ZNF174: variants seen among roughly 807,000 people sequenced by gnomAD.
ZNF174 encodes zinc finger protein 174.
Under a neutral mutation model 38.7 loss-of-function variants are expected in ZNF174, and 30 were observed. The observed-to-expected ratio is 0.78, with a 90% CI of 0.58 to 1.05. ZNF174 has a LOEUF of 1.05. ZNF174 is among the 50% of genes least tolerant of loss of function. The pLI is 0.00. For synonymous variants in ZNF174, 201 were observed against 181.7 expected, an observed-to-expected ratio of 1.11 and a Z score of -0.86; for missense variants, 499 against 495.6, an observed-to-expected ratio of 1.01 and a Z score of -0.06.
chr16:3,402,401 C>T lies in ZNF174; in HGVS notation c.397C>T (p.Gln133Ter). The T allele has an allele frequency of 6.2e-7, 1 of 1,613,112 alleles. No individual in the cohort carries two copies. Among genetic ancestry groups the T allele is most frequent in the Non-Finnish European group, 8.5e-7 (1 of 1,179,746 alleles). The stretch of plus-strand genomic sequence containing the variant: ...TCACAGAGCATCCAAGAAACCAAAG[C>T]AGTGGGTAAGGAGGGTCCTCTCCCA... The part of the protein sequence containing the change: ...DFHRASKKPK[Q>*]WVAVCMQGQK... The change falls in exon 1 of 3, where the codon CAG (glutamine) becomes TAG (stop). Residue 133 changes from glutamine (Q) to a stop codon, truncating the protein, a stop_gained. Transcript: ENST00000268655. LOFTEE classifies it high-confidence loss of function.
At chr16:3,404,155 GCCAGCAACTAC>G (rs899324371) in intron 1 of ZNF174, among the ~76,000 whole-genome samples, 9 of 152,142 alleles carry the variant, frequency 5.9e-5, no homozygotes, top group Admixed American at 2.6e-4. Flanking sequence ...TGATATTTGT[GCCAGCAACTAC>G]CCTGATGACT....
chr16:3,407,579 A>G (rs1418107118), intron 2 of ZNF174, among the ~76,000 whole-genome samples: 2 of 152,224 alleles, frequency 1.3e-5, no homozygotes, highest in African/African-American at 4.8e-5. Context: ...CCACATAGTC[A>G]CATGTGGCTA....
chr16:3,408,581 G>C lies in ZNF174; in HGVS notation c.886G>C (p.Glu296Gln), dbSNP rs1448123445. 1.2e-6 allele frequency: 2 copies of C among 1,614,198 alleles called. No individual in the cohort carries two copies. The highest frequency in any genetic ancestry group is 1.7e-6 in the Non-Finnish European group (2 of 1,180,042). ...CCCCCTAAAAAGCCACCCACTGAGA[G>C]AGCTAAAGAAAAGCAAAGGAGGTAA... ...SSPLKSHPLR[E>Q]LKKSKGGKRS... is the part of the protein sequence containing the mutation. Residue 296 changes from glutamate (E) to glutamine (Q), a missense_variant, in exon 3 of 3, where the codon GAG (glutamate) becomes CAG (glutamine). Glu to Gln is a conservative substitution (Grantham distance 29). Coordinates refer to ENST00000268655, the MANE Select transcript of ZNF174 (RefSeq NM_003450.3).
intron 1 of ZNF174, among the ~76,000 whole-genome samples, chr16:3,402,804 A>G (rs902933015): frequency 6.6e-6 from 1 of 152,054 alleles, no homozygotes; most frequent in Admixed American, 6.5e-5. Flanking sequence ...ATCTCTCCCT[A>G]TTTAAGTCTC....
Position 3,402,383 on chromosome 16 carries a change from G to C in ZNF174, c.379G>C (p.Ala127Pro). 6.2e-7 allele frequency: 1 copy of C among 1,613,814 alleles called. No individual in the cohort carries two copies. The highest frequency in any genetic ancestry group is 8.5e-7 in the Non-Finnish European group (1 of 1,179,980). ...GACCCTCGTGGAAGATTTTCACAGA[G>C]CATCCAAGAAACCAAAGCAGTGGGT... ...IVTLVEDFHR[A>P]SKKPKQWVAV... Residue 127 changes from alanine to proline, a missense_variant, in exon 1 of 3, where the codon GCA becomes CCA. By Grantham distance (27) the Ala-to-Pro change is conservative. Coordinates refer to ENST00000268655, the MANE Select transcript of ZNF174 (RefSeq NM_003450.3).
Position 3,409,196 on chromosome 16 carries a change from G to A in ZNF174, c.*277G>A, listed in dbSNP as rs139608282. 4.6e-3 allele frequency: 1,935 copies of A among 417,278 alleles called. 26 individuals carry two copies. The highest frequency in any genetic ancestry group is 0.035 in the African/African-American group (1,773 of 50,768). 25.8% of individuals were successfully genotyped at this position (417,278 alleles called of 1,614,324 possible). A position where few individuals can be genotyped will look rare whatever the true frequency, so the allele number is the denominator to read the frequency against. ...GGAGTAACTACTGAGAGAGAATCAGGACAATCCTGCAGGTGGCCCGCTTAC... is the reference window on the plus strand; with the variant it reads ...GGAGTAACTACTGAGAGAGAATCAGAACAATCCTGCAGGTGGCCCGCTTAC... On this transcript the variant is annotated 3_prime_UTR_variant, in exon 3 of 3. Transcript: ENST00000268655.
At chr16:3,405,071 T>G in intron 2 of ZNF174, 19 of 1,555,902 alleles carry the variant, frequency 1.2e-5, no homozygotes, top group Non-Finnish European at 1.6e-5. Context: ...GTGATGTTGC[T>G]TGTACTTTAG....
Position 3,408,729 on chromosome 16 carries a change from A to G in ZNF174, c.1034A>G (p.Lys345Arg), listed in dbSNP as rs1449728223. Residue 345 changes from lysine to arginine, a missense_variant, in exon 3 of 3, where the codon AAG becomes AGG. Coordinates refer to ENST00000268655, the MANE Select transcript of ZNF174 (RefSeq NM_003450.3). The stretch of plus-strand genomic sequence containing the variant: ...TGGAATTCAGAGCTGAAGAGACACA[A>G]GAGAGTCCACACAGGAGAGAGACCC... ...FTWNSELKRHKRVHTGERPYT... is the reference protein window; with the variant it reads ...FTWNSELKRHRRVHTGERPYT... The G allele has an allele frequency of 1.2e-6, 2 of 1,614,194 alleles. No individual in the cohort carries two copies. Among genetic ancestry groups the G allele is most frequent in the East Asian group, 2.2e-5 (1 of 44,872 alleles).
rs2034024863 is a variant in ZNF174, at chr16:3,404,605, A to T, written c.582A>T (p.Lys194Asn). 7 of 1,614,062 alleles carry T rather than the reference A, an allele frequency of 4.3e-6. No homozygotes were observed. The highest frequency in any genetic ancestry group is 1.7e-5 in the Admixed American group (1 of 59,998). ...GGCTGAGCCCCCATCATTGGGAGAAATCCCCACTCCTCCAAGAACCAACCC... is the reference window on the plus strand; with the variant it reads ...GGCTGAGCCCCCATCATTGGGAGAATTCCCCACTCCTCCAAGAACCAACCC... ...YDRLSPHHWE[K>N]SPLLQEPTPK... The change falls in exon 2 of 3, where the codon AAA (lysine) becomes AAT (asparagine). Residue 194 changes from lysine to asparagine, a missense_variant. Transcript: ENST00000268655.
In ZNF174 at chr16:3,408,850, C is replaced by T. The variant is rs1283783340; in HGVS notation, c.1155C>T (p.Gly385=). 2 of 1,614,068 alleles carry T rather than the reference C, an allele frequency of 1.2e-6. No homozygotes were observed. Among genetic ancestry groups the T allele is most frequent in the Non-Finnish European group, 1.7e-6 (2 of 1,179,994 alleles). Residue 385 remains glycine, a synonymous_variant, in exon 3 of 3, where the codon GGC becomes GGT. Coordinates refer to ENST00000268655, the MANE Select transcript of ZNF174 (RefSeq NM_003450.3). The part of the protein sequence containing the change: ...IHTGEKPYQC[G]QCGKSFRQSS... ...CTGGAGAGAAGCCATACCAGTGTGG[C>T]CAGTGTGGGAAAAGCTTTCGCCAGA...
At chr16:3,402,941 T>C (rs1567339863) in intron 1 of ZNF174, among the ~76,000 whole-genome samples, 1 of 152,112 alleles carries the variant, frequency 6.6e-6, no homozygotes, top group Non-Finnish European at 1.5e-5. Context: ...ACCAAGGTTC[T>C]TACCATTCCT....
chr16:3,408,965 TC>T lies in ZNF174; in HGVS notation c.*47del. On this transcript the variant is annotated 3_prime_UTR_variant, in exon 3 of 3. Coordinates refer to ENST00000268655, the MANE Select transcript of ZNF174 (RefSeq NM_003450.3). ...GATTCACACGGAAGGTGTTTGTGTT[TC>T]TCCTCCCCCTTACTTGCATGTAAAT... 6.6e-7 allele frequency: 1 copy of T among 1,519,572 alleles called. No homozygotes were observed. The highest frequency in any genetic ancestry group is 8.9e-7 in the Non-Finnish European group (1 of 1,124,236). 94.1% of individuals were successfully genotyped at this position (1,519,572 alleles called of 1,614,324 possible).
chr16:3,405,924 C>T (rs984864671), intron 2 of ZNF174, among the ~76,000 whole-genome samples: 3 of 152,206 alleles, frequency 2.0e-5, no homozygotes, highest in African/African-American at 7.2e-5. Flanking sequence ...AGGAGGATCA[C>T]TTCAACCTGG....
chr16:3,404,936 A>G (rs1301454785), intron 2 of ZNF174: 2 of 1,614,074 alleles, frequency 1.2e-6, no homozygotes, highest in Non-Finnish European at 1.7e-6. Context: ...ACAGATCCAA[A>G]TATGGCCACA....
In ZNF174 at chr16:3,404,482, T is replaced by C; in HGVS notation, c.459T>C (p.Leu153=). ...TCTTGGAGAAAACTGGATCTCAGCT[T>C]GGAGAACAGGAACTGCCAGACTTTC... ...KVLLEKTGSQ[L]GEQELPDFQP... is the part of the protein sequence containing the mutation. The change falls in exon 2 of 3, where the codon CTT becomes CTC. Residue 153 remains leucine (L), a synonymous_variant. Transcript: ENST00000268655. 6.2e-7 allele frequency: 1 copy of C among 1,612,548 alleles called. No homozygotes were observed. Among genetic ancestry groups the C allele is most frequent in the Non-Finnish European group, 8.5e-7 (1 of 1,178,684 alleles).
chr16:3,407,404 T>C (rs2034070014), intron 2 of ZNF174, among the ~76,000 whole-genome samples: 1 of 152,190 alleles, frequency 6.6e-6, no homozygotes, highest in Non-Finnish European at 1.5e-5. Context: ...TAGAATCCTT[T>C]ATGAAAAAGA....
chr16:3,406,689 T>C (rs1289278529), intron 2 of ZNF174, among the ~76,000 whole-genome samples: 1 of 152,260 alleles, frequency 6.6e-6, no homozygotes, highest in East Asian at 1.9e-4. Flanking sequence ...CCCTTATGTG[T>C]AATTTGCAAA....
rs1181204535 is a variant in ZNF174, at chr16:3,402,102, C to T, written c.98C>T (p.Pro33Leu). The change falls in exon 1 of 3, where the codon CCT becomes CTT. Residue 33 changes from proline to leucine, a missense_variant. Pro to Leu is a moderately conservative substitution (Grantham distance 98). Coordinates refer to ENST00000268655, the MANE Select transcript of ZNF174 (RefSeq NM_003450.3). ...GCCAAACTAGAAGAGAAACGGGGCC[C>T]TCCTCTGCAAAAAAACTGCCCAGAT... ...IIAKLEEKRG[P>L]PLQKNCPDPE... 1 of 1,614,178 alleles carries T rather than the reference C, an allele frequency of 6.2e-7. No individual in the cohort carries two copies. The highest frequency in any genetic ancestry group is 1.1e-5 in the South Asian group (1 of 91,080).
chr16:3,405,503 C>G (rs181319211), intron 2 of ZNF174, among the ~76,000 whole-genome samples: 2 of 152,016 alleles, frequency 1.3e-5, no homozygotes, highest in Non-Finnish European at 2.9e-5. Context: ...GACAGGCTCC[C>G]GTGGGGCTCT....
Sources: allele counts gnomAD v4.1 joint callset (sites outside exome capture counted in the v4.1 genomes callset), GRCh38; gene constraint gnomAD v4.1.1; transcripts MANE v1.5; gene names NCBI Gene and HGNC (gene_info 2026-07-23, HGNC 2026-07-21).